Variants in CCT7 observed in about 807,000 individuals in gnomAD.
The protein encoded by CCT7 is chaperonin containing TCP1 subunit 7, also known as T-complex protein 1 subunit eta.
Under a neutral mutation model 56.6 loss-of-function variants are expected in CCT7, and 16 were observed. The ratio of observed to expected loss-of-function variants is 0.28; its 90% CI spans 0.19 to 0.43. The LOEUF (loss-of-function observed/expected upper bound fraction) is 0.43, where lower values mean the gene tolerates loss of function less well. Among genes scored for constraint, CCT7 ranks in the 20% least tolerant of loss-of-function variants. The pLI, the probability that CCT7 is intolerant of heterozygous loss-of-function variation, is 1.00. For synonymous variants in CCT7, 262 were observed against 254.8 expected (o/e 1.03, Z -0.27); for missense variants, 519 against 685.6 (o/e 0.76, Z 2.71).
At chr2:73,248,841 G>T in intron 7 of CCT7, 150 bp from the exon 8 acceptor site, 1 of 638,994 alleles carries the variant, frequency 1.6e-6, no homozygotes, top group Non-Finnish European at 2.7e-6. Context: ...TTATTTGCTT[G>T]GACTGAGGAG....
rs372600689 is a variant in CCT7 at position 73,243,093 on chromosome 2, G to T, written c.357G>T (p.Gln119His). ...KPYVEEGLHPQIIIRAFRTAT... is the reference protein window; with the variant it reads ...KPYVEEGLHPHIIIRAFRTAT... ...ATGTGGAGGAAGGTTTACACCCCCA[G>T]ATCATCATTCGAGCTTTCCGCACAG... is the stretch of plus-strand genomic sequence containing the variant. Residue 119 changes from glutamine (Q) to histidine (H), a missense_variant, in exon 4 of 12, where the codon CAG (glutamine) becomes CAT (histidine). Physicochemically the swap from Gln to His is conservative, Grantham distance 24 (BLOSUM62 0). Coordinates refer to ENST00000258091, the MANE Select transcript of CCT7 (RefSeq NM_006429.4). The T allele has an allele frequency of 8.7e-6, 14 of 1,613,908 alleles. No homozygotes were observed. Among genetic ancestry groups the T allele is most frequent in the Non-Finnish European group, 1.2e-5 (14 of 1,179,896 alleles).
rs892599307 is a variant in CCT7, at chr2:73,252,911, C to G, written c.*50C>G. ...TGGCTGGCTGCTGGGTGCACTTACC[C>G]TCCTTGGCTTGGTTACTTCATTTTA... is the stretch of plus-strand genomic sequence containing the variant. On this transcript the variant is annotated 3_prime_UTR_variant, in exon 12 of 12. Transcript: ENST00000258091. The G allele has an allele frequency of 7.1e-7, 1 of 1,416,432 alleles. No homozygotes were observed. The highest frequency in any genetic ancestry group is 9.9e-7 in the Non-Finnish European group (1 of 1,014,402). 87.7% of individuals were successfully genotyped at this position (1,416,432 alleles called of 1,614,324 possible).
At chr2:73,244,147 A>G in intron 5 of CCT7, 98 bp downstream of exon 5, 1 of 1,176,502 alleles carries the variant, frequency 8.5e-7, no homozygotes, top group Non-Finnish European at 1.2e-6. Context: ...GTGATCTCCC[A>G]CCTGCGACTC....
At position 73,239,658 on chromosome 2, in the gene CCT7, C is replaced by T. The variant is rs190320672; in HGVS notation, c.22C>T (p.Leu8=). ...TCTTTTCTAGCCCACACCAGTTATC[C>T]TATTGAAAGAGGGGACTGATAGCTC... MMPTPVI[L]LKEGTDSSQG... The change falls in exon 2 of 12, where the codon CTA becomes TTA. Residue 8 remains leucine, a synonymous_variant. Transcript: ENST00000258091. 550 of 1,613,762 alleles carry T rather than the reference C, an allele frequency of 3.4e-4. 4 individuals are homozygous for T. The African/African-American group carries it at 6.5e-3, about 19-fold the overall frequency.
chr2:73,240,517 G>A lies in CCT7; in HGVS notation c.241G>A (p.Asp81Asn). The change falls in exon 3 of 12, where the codon GAC (aspartate) becomes AAC (asparagine). Residue 81 changes from aspartate to asparagine, a missense_variant. Coordinates refer to ENST00000258091, the MANE Select transcript of CCT7 (RefSeq NM_006429.4). ...VVHPAAKTLV[D>N]IAKSQDAEVG... ...CCATCCTGCAGCAAAGACTTTGGTA[G>A]ACATTGCCAAATCCCAAGATGCTGA... 6.2e-7 allele frequency: 1 copy of A among 1,606,936 alleles called. No individual in the cohort carries two copies. The highest frequency in any genetic ancestry group is 8.5e-7 in the Non-Finnish European group (1 of 1,175,986).
chr2:73,251,421 C>G lies in CCT7; in HGVS notation c.1399C>G (p.Arg467Gly), dbSNP rs748661600. Residue 467 changes from arginine (R) to glycine (G), a missense_variant, in exon 11 of 12, where the codon CGG (arginine) becomes GGG (glycine). Transcript: ENST00000258091. ...ATNILNKLRA[R>G]HAQGGTWYGV... ...AAACATTCTCAACAAGCTGCGGGCT[C>G]GGCATGCCCAGGTGGGTCCTTTCTC... is the stretch of plus-strand genomic sequence containing the variant. 2.4e-5 allele frequency: 32 copies of G among 1,357,430 alleles called. No individual in the cohort carries two copies. The highest frequency in any genetic ancestry group is 2.7e-5 in the Non-Finnish European group (27 of 1,014,842). 84.1% of individuals were successfully genotyped at this position (1,357,430 alleles called of 1,614,324 possible). A position where few individuals can be genotyped will look rare whatever the true frequency, so the allele number is the denominator to read the frequency against.
intron 1 of CCT7, among the ~76,000 whole-genome samples, chr2:73,236,628 C>T (rs1287675249): frequency 2.0e-5 from 3 of 152,148 alleles, no homozygotes; most frequent in Non-Finnish European, 2.9e-5. Flanking sequence ...CGTGAGCCAC[C>T]GCACCCGACC....
At chr2:73,250,192 G>C in intron 9 of CCT7, 114 bp from the exon 10 acceptor site, 3 of 1,294,916 alleles carry the variant, frequency 2.3e-6, no homozygotes, top group Non-Finnish European at 2.2e-6. Context: ...TGGGTAACCT[G>C]AGTGAAGAAT....
In CCT7 at chr2:73,252,732, T is replaced by C. The variant is rs776251946; in HGVS notation, c.1503T>C (p.Asn501=). Residue 501 remains asparagine (N), a synonymous_variant, in exon 12 of 12, where the codon AAT becomes AAC. Transcript: ENST00000258091. ...FVWEPAMVRI[N]ALTAASEAAC... ...GGGAGCCAGCTATGGTGCGGATCAA[T>C]GCGCTGACAGCAGCCTCTGAGGCTG... is the stretch of plus-strand genomic sequence containing the variant. 10 of 1,614,182 alleles carry C rather than the reference T, an allele frequency of 6.2e-6. No individual in the cohort carries two copies. In the East Asian group the frequency reaches 8.9e-5, roughly 14 times the overall value.
At chr2:73,237,510 G>C (rs1172239663) in intron 1 of CCT7, 2 of 152,180 alleles carry the variant, frequency 1.3e-5, no homozygotes, top group Non-Finnish European at 2.9e-5. Flanking sequence ...GCAAGACTGG[G>C]AGATGGTAGG....
chr2:73,252,909 C>A lies in CCT7; in HGVS notation c.*48C>A, dbSNP rs1405670482. On this transcript the variant is annotated 3_prime_UTR_variant, in exon 12 of 12. Coordinates refer to ENST00000258091, the MANE Select transcript of CCT7 (RefSeq NM_006429.4). ...GCTGGCTGGCTGCTGGGTGCACTTA[C>A]CCTCCTTGGCTTGGTTACTTCATTT... The A allele has an allele frequency of 1.1e-5, 16 of 1,428,334 alleles. No homozygotes were observed. In the South Asian group the frequency reaches 1.9e-4, roughly 17 times the overall value. The allele number at this position is 1,428,334 out of a possible 1,614,324, so 88.5% of individuals were successfully genotyped here.
Position 73,249,843 on chromosome 2 carries a change from A to C in CCT7, c.997A>C (p.Ser333Arg), listed in dbSNP as rs1263532547. 1.2e-6 allele frequency: 2 copies of C among 1,613,808 alleles called. No individual in the cohort carries two copies. Among genetic ancestry groups the C allele is most frequent in the Non-Finnish European group, 1.7e-6 (2 of 1,179,686 alleles). Residue 333 changes from serine to arginine, a missense_variant, in exon 9 of 12, where the codon AGT becomes CGT. Physicochemically the swap from Ser to Arg is moderately radical, Grantham distance 110. Around this residue, in one of 3 missense-constraint regions of CCT7, gnomAD observed 237 missense variants for 300.8 expected, o/e 0.79. Transcript: ENST00000258091. ...GGCCTGTGGAGGCTCAATCCAGACC[A>C]GTGTGAATGCTCTGTCAGCAGATGT... ...MMACGGSIQT[S>R]VNALSADVLG...
At chr2:73,247,488 G>A (rs1687391987) in intron 6 of CCT7, among the ~76,000 whole-genome samples, 1 of 151,932 alleles carries the variant, frequency 6.6e-6, no homozygotes, top group Admixed American at 6.6e-5. Flanking sequence ...TTAGAGGACA[G>A]CCCAGTAGGC....
intron 1 of CCT7, among the ~76,000 whole-genome samples, chr2:73,236,572 C>G (rs1686893652): frequency 6.6e-6 from 1 of 152,198 alleles, no homozygotes; most frequent in Non-Finnish European, 1.5e-5. Context: ...AACACCTGAC[C>G]TTGTGATTCA....
intron 6 of CCT7, among the ~76,000 whole-genome samples, chr2:73,246,597 A>C (rs1687348976): frequency 1.3e-5 from 2 of 152,162 alleles, no homozygotes; most frequent in African/African-American, 4.8e-5. Flanking sequence ...TTCCCTATAC[A>C]AAGCCAGGCA....
At chr2:73,243,654 G>T (rs964691439) in intron 4 of CCT7, among the ~76,000 whole-genome samples, 1 of 152,138 alleles carries the variant, frequency 6.6e-6, no homozygotes, top group Non-Finnish European at 1.5e-5. Flanking sequence ...AGAAGTTGTC[G>T]TAGGTGTTTT....
chr2:73,244,163 G>T, intron 5 of CCT7, 114 bp downstream of exon 5: 1 of 1,058,164 alleles, frequency 9.5e-7, no homozygotes, highest in Admixed American at 2.4e-5. Context: ...GACTCCCAAA[G>T]TGCTGGGATT....
rs1250911845 is a variant in CCT7, at chr2:73,234,375, C to T, written c.-4C>T. On this transcript the variant is annotated 5_prime_UTR_variant, in exon 1 of 12. Transcript: ENST00000258091. ...AGTGGCGGGCCGCTGAATAAGCTTC[C>T]AAAATGATGGTGAGTGGCGTCTCGC... The T allele has an allele frequency of 2.5e-6, 4 of 1,613,416 alleles. No homozygotes were observed. Among genetic ancestry groups the T allele is most frequent in the Middle Eastern group, 1.6e-4 (1 of 6,084 alleles).
chr2:73,234,526 C>G, intron 1 of CCT7, 142 bp downstream of exon 1: 1 of 1,021,344 alleles, frequency 9.8e-7, no homozygotes, highest in Non-Finnish European at 1.5e-6. Flanking sequence ...GGGGCGACCC[C>G]AGCCAGCCGC....
Sources: allele counts gnomAD v4.1 joint callset (sites outside exome capture counted in the v4.1 genomes callset), GRCh38; gene constraint gnomAD v4.1.1; regional missense constraint gnomAD v4.1.1; transcripts MANE v1.5; gene names NCBI Gene and HGNC (gene_info 2026-07-23, HGNC 2026-07-21).